Variants in XKR4 observed in about 807,000 individuals in gnomAD.
The protein encoded by XKR4 is XK related 4.
Under a neutral mutation model 53.9 loss-of-function variants are expected in XKR4, and 12 were observed. The ratio of observed to expected loss-of-function variants is 0.22; its 90% CI spans 0.14 to 0.36. The LOEUF is 0.36. XKR4 is among the 10% of genes least tolerant of loss of function. The pLI, the probability that XKR4 is intolerant of heterozygous loss-of-function variation, is 1.00. For synonymous variants in XKR4, 354 were observed against 362.4 expected, an observed-to-expected ratio of 0.98 and a Z score of 0.26; for missense variants, 799 against 859.5, an observed-to-expected ratio of 0.93 and a Z score of 0.88.
intron 2 of XKR4, among the ~76,000 whole-genome samples, chr8:55,419,086 A>G (rs962648701): frequency 6.6e-6 from 1 of 152,088 alleles, no homozygotes; most frequent in Admixed American, 6.6e-5. Flanking sequence ...AATAAAGAGC[A>G]TGAAAACCAA....
chr8:55,182,770 A>C (rs1355443479), intron 1 of XKR4, among the ~76,000 whole-genome samples: 1 of 152,088 alleles, frequency 6.6e-6, no homozygotes, highest in Non-Finnish European at 1.5e-5. Context: ...TGGCTTGACT[A>C]TGCTAGACCT....
At chr8:55,303,501 G>A (rs933025944) in intron 1 of XKR4, among the ~76,000 whole-genome samples, 25 of 152,186 alleles carry the variant, frequency 1.6e-4, no homozygotes, top group Non-Finnish European at 2.9e-5. Flanking sequence ...TCAGGATGAT[G>A]CTGGCCTCAT....
chr8:55,473,138 C>T (rs1563360408), intron 2 of XKR4, among the ~76,000 whole-genome samples: 1 of 152,128 alleles, frequency 6.6e-6, no homozygotes, highest in East Asian at 1.9e-4. Flanking sequence ...ACTTTAGTGA[C>T]CTCTCCAAAT....
chr8:55,266,607 G>A (rs145458401), intron 1 of XKR4, among the ~76,000 whole-genome samples: 1 of 152,264 alleles, frequency 6.6e-6, no homozygotes, highest in East Asian at 1.9e-4. Context: ...AGATGTACAT[G>A]GAGAGGGAGG....
chr8:55,164,689 G>C (rs1817040371), intron 1 of XKR4: 2 of 302,480 alleles, frequency 6.6e-6, no homozygotes, highest in Non-Finnish European at 1.3e-5. Flanking sequence ...AAGAGAATAA[G>C]ATCAAGTCAA....
In XKR4 at chr8:55,530,845, GATTACACA is replaced by G. The variant is rs1172145116; in HGVS notation, c.*6621_*6628del. The G allele has an allele frequency of 6.6e-6, 1 of 151,976 alleles. No individual in the cohort carries two copies. Among genetic ancestry groups the G allele is most frequent in the African/African-American group, 2.4e-5 (1 of 41,356 alleles). 9.4% of individuals were successfully genotyped at this position (151,976 alleles called of 1,614,324 possible). A position where few individuals can be genotyped will look rare whatever the true frequency, so the allele number is the denominator to read the frequency against. ...AAGAACAGGTAATTTTTGTGATCAGGATTACACAATACACTTTTTTTTTTCCCTGAGTC... is the reference window on the plus strand; with the variant it reads ...AAGAACAGGTAATTTTTGTGATCAGGATACACTTTTTTTTTTCCCTGAGTC... On this transcript the variant is annotated 3_prime_UTR_variant, in exon 3 of 3. Transcript: ENST00000327381.
chr8:55,452,326 G>A (rs1300303575), intron 2 of XKR4: 32 of 639,968 alleles, frequency 5.0e-5, no homozygotes, highest in Admixed American at 3.9e-4. Context: ...GGGAAGGAGC[G>A]GAACACCACC....
intron 2 of XKR4, among the ~76,000 whole-genome samples, chr8:55,427,674 G>C (rs1377717029): frequency 6.6e-6 from 1 of 152,228 alleles, no homozygotes; most frequent in Non-Finnish European, 1.5e-5. Context: ...ATTTTAGAAA[G>C]ACTTGTTCTT....
intron 1 of XKR4, among the ~76,000 whole-genome samples, chr8:55,255,728 C>G (rs985656703): frequency 1.3e-5 from 2 of 151,944 alleles, no homozygotes; most frequent in Non-Finnish European, 2.9e-5. Context: ...AGACAGTTAA[C>G]CTTAAGAGAT....
chr8:55,103,402 C>T, intron 1 of XKR4, 108 bp downstream of exon 1: 1 of 1,473,164 alleles, frequency 6.8e-7, no homozygotes. Context: ...TAACCCTAGT[C>T]ACACTCTTCC....
chr8:55,317,567 T>C (rs907061580), intron 1 of XKR4, among the ~76,000 whole-genome samples: 1 of 152,208 alleles, frequency 6.6e-6, no homozygotes, highest in Non-Finnish European at 1.5e-5. Context: ...GATTTATTTA[T>C]GGATAAGAGA....
chr8:55,428,034 C>T (rs180816595), intron 2 of XKR4, among the ~76,000 whole-genome samples: 1 of 152,094 alleles, frequency 6.6e-6, no homozygotes. Context: ...TGTTATATAA[C>T]TTTTTTCAGT....
chr8:55,364,829 T>A (rs1563333375), intron 2 of XKR4, among the ~76,000 whole-genome samples: 1 of 152,040 alleles, frequency 6.6e-6, no homozygotes, highest in Non-Finnish European at 1.5e-5. Context: ...ATGGGATTTC[T>A]CCATGTTGGC....
intron 2 of XKR4, among the ~76,000 whole-genome samples, chr8:55,474,348 A>C (rs1408631301): frequency 6.6e-6 from 1 of 152,160 alleles, no homozygotes; most frequent in African/African-American, 2.4e-5. Flanking sequence ...ACCAATTAGC[A>C]CATATTCCTG....
intron 1 of XKR4, among the ~76,000 whole-genome samples, chr8:55,318,573 C>A (rs952455253): frequency 2.6e-5 from 4 of 152,186 alleles, no homozygotes; most frequent in African/African-American, 9.7e-5. Context: ...TTGCTTTGGG[C>A]TTGCATCACC....
rs1807011035 is a variant in XKR4 at position 55,534,977 on chromosome 8, G to A, written c.*10750G>A. The A allele has an allele frequency of 6.6e-6, 1 of 151,998 alleles. No individual in the cohort carries two copies. The highest frequency in any genetic ancestry group is 6.5e-5 in the Admixed American group (1 of 15,268). The allele number at this position is 151,998 out of a possible 1,614,324, so 9.4% of individuals were successfully genotyped here. ...AGATTTGTCAATAAGCAGTCTAGAGGAAAAATGAGAAGAGGAAGAAGCAGG... is the reference window on the plus strand; with the variant it reads ...AGATTTGTCAATAAGCAGTCTAGAGAAAAAATGAGAAGAGGAAGAAGCAGG... On this transcript the variant is annotated 3_prime_UTR_variant, in exon 3 of 3. Coordinates refer to ENST00000327381, the MANE Select transcript of XKR4 (RefSeq NM_052898.2).
rs914130690 is a variant in XKR4 at position 55,525,806 on chromosome 8, T to A, written c.*1579T>A. ...AGACCTGGAATCGTTTAAAATACTT[T>A]AAGCATCATAATTACTTGGGATGTC... On this transcript the variant is annotated 3_prime_UTR_variant, in exon 3 of 3. Transcript: ENST00000327381. 6.6e-5 allele frequency: 10 copies of A among 152,552 alleles called. No individual in the cohort carries two copies. Among genetic ancestry groups the A allele is most frequent in the African/African-American group, 2.4e-4 (10 of 41,456 alleles). The allele number at this position is 152,552 out of a possible 1,614,324, so 9.4% of individuals were successfully genotyped here. A position where few individuals can be genotyped will look rare whatever the true frequency, so the allele number is the denominator to read the frequency against.
chr8:55,323,030 G>C (rs1803239558), intron 1 of XKR4, among the ~76,000 whole-genome samples: 1 of 152,024 alleles, frequency 6.6e-6, no homozygotes, highest in Admixed American at 6.6e-5. Context: ...TTTCTGTAAG[G>C]ATTTTGCACT....
At chr8:55,250,473 G>C (rs1818348520) in intron 1 of XKR4, among the ~76,000 whole-genome samples, 1 of 152,056 alleles carries the variant, frequency 6.6e-6, no homozygotes, top group East Asian at 1.9e-4. Context: ...GTCTAATTTA[G>C]GGCTTCATAA....
Sources: allele counts gnomAD v4.1 joint callset (sites outside exome capture counted in the v4.1 genomes callset), GRCh38; gene constraint gnomAD v4.1.1; transcripts MANE v1.5; gene names NCBI Gene and HGNC (gene_info 2026-07-23, HGNC 2026-07-21).